Variants in TCTN3 observed in about 807,000 individuals in gnomAD.
TCTN3 encodes tectonic-3.
TCTN3 carries 57 observed loss-of-function variants against 71.3 expected under a neutral mutation model. The ratio of observed to expected loss-of-function variants is 0.80; its 90% CI spans 0.65 to 1.00. TCTN3 has a LOEUF of 1.00. Among genes scored for constraint, TCTN3 ranks in the 50% least tolerant of loss-of-function variants. TCTN3 has a pLI of 0.00. For missense variants in TCTN3, 696 were observed against 719.9 expected, an observed-to-expected ratio of 0.97 and a Z score of 0.38; for synonymous variants, 258 against 267.8, an observed-to-expected ratio of 0.96 and a Z score of 0.36.
Position 95,693,811 on chromosome 10 carries a change from C to T in TCTN3, c.89G>A (p.Gly30Glu), listed in dbSNP as rs2097956198. The T allele has an allele frequency of 1.9e-6, 3 of 1,551,676 alleles. No individual in the cohort carries two copies. The highest frequency in any genetic ancestry group is 1.7e-4 in the Middle Eastern group (1 of 5,992). ...VRPQPSSSPS[G>E]AVPTSLELQR... The stretch of plus-strand genomic sequence containing the variant: ...CAGCTCCAAAGACGTGGGCACTGCC[C>T]CTGATGGGGAGGAAGAGGGCTGAGG... Residue 30 changes from glycine to glutamate, a missense_variant, in exon 1 of 14, where the codon GGG (glycine) becomes GAG (glutamate). Physicochemically the swap from Gly to Glu is moderately conservative, Grantham distance 98. Coordinates refer to ENST00000371217, the MANE Select transcript of TCTN3 (RefSeq NM_015631.6).
At chr10:95,690,390 T>C (rs1167636745) in intron 3 of TCTN3, among the ~76,000 whole-genome samples, 2 of 152,114 alleles carry the variant, frequency 1.3e-5, no homozygotes, top group Non-Finnish European at 2.9e-5. Flanking sequence ...CTAATAACAA[T>C]ATAATAAATC....
At chr10:95,692,757 CA>C (rs1243154132) in intron 3 of TCTN3, 162 bp downstream of exon 3, 16 of 595,190 alleles carry the variant, frequency 2.7e-5, no homozygotes, top group East Asian at 2.6e-4. Flanking sequence ...AAACATTTGA[CA>C]TTTTTTTTGC....
chr10:95,675,953 G>T (rs1461576325), intron 13 of TCTN3, among the ~76,000 whole-genome samples: 1 of 152,126 alleles, frequency 6.6e-6, no homozygotes, highest in Admixed American at 6.6e-5. Flanking sequence ...CATTCTTCTA[G>T]TAAGTCAATA....
In TCTN3 at chr10:95,685,547, T is replaced by C. The variant is rs771749239; in HGVS notation, c.969+9A>G. On this transcript the variant is annotated intron_variant, in intron 8 of 13. Coordinates refer to ENST00000371217, the MANE Select transcript of TCTN3 (RefSeq NM_015631.6). ...ACATCAGTCCAGAATCTGAGGTCAGTATCCCTACCTGAGAAACTACATTCT... is the reference window on the plus strand; with the variant it reads ...ACATCAGTCCAGAATCTGAGGTCAGCATCCCTACCTGAGAAACTACATTCT... 6.5e-7 allele frequency: 1 copy of C among 1,547,908 alleles called. No individual in the cohort carries two copies. The highest frequency in any genetic ancestry group is 1.2e-5 in the South Asian group (1 of 83,964).
chr10:95,677,215 G>C (rs954037616), intron 13 of TCTN3, among the ~76,000 whole-genome samples: 1 of 151,960 alleles, frequency 6.6e-6, no homozygotes, highest in Non-Finnish European at 1.5e-5. Context: ...TAATTTAAAG[G>C]GTTTATATGT....
In TCTN3 at chr10:95,664,304, C is replaced by T. The variant is rs376757601; in HGVS notation, c.1591-4G>A. The T allele has an allele frequency of 2.7e-5, 43 of 1,613,384 alleles. No individual in the cohort carries two copies. Among genetic ancestry groups the T allele is most frequent in the Middle Eastern group, 1.6e-4 (1 of 6,080 alleles). Reference sequence around the variant, plus strand: ...CTTCTGTAACTTGCTGAGAATCCTACGGGAAGAAAGTCAATGACAGGTCAG... The same window carrying T: ...CTTCTGTAACTTGCTGAGAATCCTATGGGAAGAAAGTCAATGACAGGTCAG... On this transcript the variant is annotated splice_polypyrimidine_tract_variant and splice_region_variant and intron_variant, in intron 13 of 13. Coordinates refer to ENST00000371217, the MANE Select transcript of TCTN3 (RefSeq NM_015631.6).
intron 13 of TCTN3, among the ~76,000 whole-genome samples, chr10:95,679,591 T>G (rs1442140801): frequency 1.1e-5 from 1 of 91,834 alleles, no homozygotes; most frequent in East Asian, 2.7e-4. Context: ...TTCTTTTTTT[T>G]TTTTTTTTTT....
intron 13 of TCTN3, 115 bp downstream of exon 13, chr10:95,680,357 T>G: frequency 8.9e-7 from 1 of 1,120,472 alleles, no homozygotes; most frequent in South Asian, 1.6e-5. Flanking sequence ...AAACAAACAT[T>G]GGTTGCTAAC....
chr10:95,693,305 T>C, intron 2 of TCTN3, 48 bp downstream of exon 2: 1 of 1,549,862 alleles, frequency 6.5e-7, no homozygotes, highest in Non-Finnish European at 8.7e-7. Context: ...TGTTACCCGT[T>C]GTAGGCCCCA....
Position 95,693,923 on chromosome 10 carries a change from C to T in TCTN3, c.-24G>A. On this transcript the variant is annotated 5_prime_UTR_variant, in exon 1 of 14. Coordinates refer to ENST00000371217, the MANE Select transcript of TCTN3 (RefSeq NM_015631.6). Reference sequence around the variant, plus strand: ...ATGGGGCATTCAGGGCCTCCGGGTCCGACGTAGGCCTCCGCGGTCTCCAAT... The same window carrying T: ...ATGGGGCATTCAGGGCCTCCGGGTCTGACGTAGGCCTCCGCGGTCTCCAAT... 9 of 1,551,368 alleles carry T rather than the reference C, an allele frequency of 5.8e-6. No homozygotes were observed. The highest frequency in any genetic ancestry group is 1.2e-5 in the South Asian group (1 of 84,042).
chr10:95,667,554 C>CA (rs2097926881), intron 13 of TCTN3, among the ~76,000 whole-genome samples: 1 of 152,150 alleles, frequency 6.6e-6, no homozygotes, highest in Non-Finnish European at 1.5e-5. Context: ...TCAATGCAAT[C>CA]AGGCAACTAT....
At chr10:95,664,361 T>A (rs2097924090) in intron 13 of TCTN3, 61 bp from the exon 14 acceptor site, 1 of 1,366,096 alleles carries the variant, frequency 7.3e-7, no homozygotes, top group East Asian at 2.3e-5. Context: ...GCACTCTAAC[T>A]TGGCTGTTAT....
chr10:95,687,596 TA>T lies in TCTN3; in HGVS notation c.622del (p.Tyr208ThrfsTer16). The T allele has an allele frequency of 1.9e-6, 3 of 1,613,252 alleles. No homozygotes were observed. Among genetic ancestry groups the T allele is most frequent in the Non-Finnish European group, 2.5e-6 (3 of 1,179,832 alleles). On this transcript the variant is annotated frameshift_variant, in exon 4 of 14. Coordinates refer to ENST00000371217, the MANE Select transcript of TCTN3 (RefSeq NM_015631.6). LOFTEE classifies it high-confidence loss of function. ...CATCCCCTTCCCCAGGCTCACCCTG[TA>T]AAAAGATGGTGGTGATTGAGTTTGG... is the stretch of plus-strand genomic sequence containing the variant. The part of the protein sequence containing the change: ...TFQTQSPPSF[Y>X]RAGDPILTYF...
intron 12 of TCTN3, 61 bp from the exon 13 acceptor site, chr10:95,680,670 C>G: frequency 6.3e-7 from 1 of 1,577,614 alleles, no homozygotes; most frequent in Non-Finnish European, 8.6e-7. Context: ...AGTCAATCAC[C>G]AAGTACTAAG....
chr10:95,691,759 ATT>A (rs759041714), intron 3 of TCTN3, among the ~76,000 whole-genome samples: 2 of 152,204 alleles, frequency 1.3e-5, no homozygotes, highest in African/African-American at 2.4e-5. Context: ...TCACCAGCAA[ATT>A]TCTAAGTCCA....
At chr10:95,686,967 C>T in intron 6 of TCTN3, 77 bp downstream of exon 6, 1 of 1,302,132 alleles carries the variant, frequency 7.7e-7, no homozygotes, top group Non-Finnish European at 1.1e-6. Context: ...ATGCTCTTTC[C>T]ACAACCCACA....
intron 10 of TCTN3, 112 bp downstream of exon 10, chr10:95,683,410 C>T (rs1374496027): frequency 1.3e-6 from 2 of 1,573,492 alleles, no homozygotes; most frequent in Non-Finnish European, 8.6e-7. Flanking sequence ...ATAAGTACCT[C>T]ATTATAATGA....
At chr10:95,668,689 A>G (rs898557062) in intron 13 of TCTN3, among the ~76,000 whole-genome samples, 1 of 152,246 alleles carries the variant, frequency 6.6e-6, no homozygotes, top group East Asian at 1.9e-4. Context: ...ATACAAGAGA[A>G]TAAACCAAGA....
chr10:95,687,083 G>T lies in TCTN3; in HGVS notation c.813C>A (p.Ala271=), dbSNP rs1391332346. The change falls in exon 6 of 14, where the codon GCC becomes GCA. Residue 271 remains alanine (A), a synonymous_variant. Transcript: ENST00000371217. ...AGTTATAGTAAGAGGCAGCATTGAG[G>T]GCTGAATCCAAGGTACAGCTACTAG... ...NLASSCTLDS[A]LNAASYYNFT... is the part of the protein sequence containing the mutation. 6.2e-7 allele frequency: 1 copy of T among 1,614,118 alleles called. No individual in the cohort carries two copies.
Sources: gnomAD v4.1 joint callset for allele counts (sites outside exome capture counted in the v4.1 genomes callset) on GRCh38, gnomAD v4.1.1 for gene constraint, MANE v1.5 for transcripts, NCBI Gene and HGNC (gene_info 2026-07-23, HGNC 2026-07-21) for gene names.